PTPRK: variants seen among roughly 807,000 people sequenced by gnomAD.
PTPRK encodes the protein receptor-type tyrosine-protein phosphatase kappa.
Under a neutral mutation model 178.0 loss-of-function variants are expected in PTPRK, and 75 were observed. The observed-to-expected ratio is 0.42, with a 90% CI of 0.35 to 0.51. The LOEUF (loss-of-function observed/expected upper bound fraction) is 0.51, where lower values mean the gene tolerates loss of function less well. PTPRK is among the 20% of genes least tolerant of loss of function. The pLI is 0.02. For synonymous variants in PTPRK, 637 were observed against 620.6 expected (o/e 1.03, Z -0.39); for missense variants, 1,441 against 1,797.8 (o/e 0.80, Z 3.59).
chr6:128,127,623 T>C (rs1017801598), intron 7 of PTPRK, among the ~76,000 whole-genome samples: 5 of 152,226 alleles, frequency 3.3e-5, no homozygotes, highest in African/African-American at 1.2e-4. Flanking sequence ...GGTCACAATG[T>C]TACCTGTAGG....
intron 1 of PTPRK, among the ~76,000 whole-genome samples, chr6:128,436,973 A>T (rs930683418): frequency 7.4e-6 from 1 of 135,704 alleles, no homozygotes; most frequent in African/African-American, 2.6e-5. Context: ...GAAATTGTTT[A>T]AGAGGGAAAT....
At chr6:128,401,844 C>A (rs1189494503) in intron 1 of PTPRK, among the ~76,000 whole-genome samples, 1 of 152,002 alleles carries the variant, frequency 6.6e-6, no homozygotes, top group Non-Finnish European at 1.5e-5. Context: ...AATACAATAT[C>A]CTTAGTAAAG....
intron 2 of PTPRK, among the ~76,000 whole-genome samples, chr6:128,387,575 C>T (rs917716038): frequency 6.6e-6 from 1 of 152,038 alleles, no homozygotes; most frequent in African/African-American, 2.4e-5. Context: ...TGCTGGTTCC[C>T]CTAATAATAA....
At chr6:128,108,729 T>C (rs1019180131) in intron 7 of PTPRK, among the ~76,000 whole-genome samples, 3 of 152,110 alleles carry the variant, frequency 2.0e-5, no homozygotes, top group Non-Finnish European at 4.4e-5. Flanking sequence ...ATAGTCTGGG[T>C]GGTTTCCAGA....
At chr6:128,031,362 G>A (rs999504351) in intron 13 of PTPRK, among the ~76,000 whole-genome samples, 2 of 152,070 alleles carry the variant, frequency 1.3e-5, no homozygotes, top group African/African-American at 4.8e-5. Context: ...CCATCCTCTG[G>A]CACTTTGCAC....
intron 1 of PTPRK, among the ~76,000 whole-genome samples, chr6:128,422,676 CAAAAAAAAAAAAAAA>C (rs750423577): frequency 6.8e-5 from 1 of 14,704 alleles, no homozygotes; most frequent in East Asian, 4.5e-3. Flanking sequence ...TTCACGGACG[CAAAAAAAAAAAAAAA>C]AAAAAAAAAA....
intron 1 of PTPRK, among the ~76,000 whole-genome samples, chr6:128,508,267 C>T (rs1856651649): frequency 2.0e-5 from 3 of 152,138 alleles, no homozygotes; most frequent in African/African-American, 7.2e-5. Flanking sequence ...TGCTGGCTTA[C>T]TTGCCAGCAT....
chr6:128,458,092 CA>C (rs1848606211), intron 1 of PTPRK, among the ~76,000 whole-genome samples: 3 of 152,156 alleles, frequency 2.0e-5, no homozygotes, highest in African/African-American at 7.2e-5. Flanking sequence ...ACTGGGTCAA[CA>C]CTATGGTCTC....
chr6:128,398,666 T>C (rs1840653788), intron 1 of PTPRK, among the ~76,000 whole-genome samples: 1 of 152,196 alleles, frequency 6.6e-6, no homozygotes, highest in African/African-American at 2.4e-5. Flanking sequence ...GGGTCTAAAG[T>C]GTTTGAGGTC....
At chr6:128,354,231 G>GTTTTTTTTTTTTTTTTATTTTTTTTT (rs1833618037) in intron 2 of PTPRK, among the ~76,000 whole-genome samples, 1 of 49,358 alleles carries the variant, frequency 2.0e-5, no homozygotes, top group African/African-American at 9.4e-5. Context: ...TTTTGTTTAT[G>GTTTTTTTTTTTTTTTTATTTTTTTTT]TTTTTTTTTT....
chr6:128,021,331 T>C (rs1773468956), intron 13 of PTPRK, among the ~76,000 whole-genome samples: 1 of 152,202 alleles, frequency 6.6e-6, no homozygotes, highest in Admixed American at 6.5e-5. Context: ...TTGGACCCTT[T>C]TGATAAGAAA....
chr6:128,233,594 A>T (rs1812686275), intron 5 of PTPRK, among the ~76,000 whole-genome samples: 1 of 152,186 alleles, frequency 6.6e-6, no homozygotes, highest in Admixed American at 6.5e-5. Context: ...AAGGAATGAC[A>T]TTTCCTTTGG....
At chr6:128,135,304 C>T (rs928925034) in intron 7 of PTPRK, among the ~76,000 whole-genome samples, 4 of 152,118 alleles carry the variant, frequency 2.6e-5, no homozygotes, top group African/African-American at 9.7e-5. Context: ...TGTTTCTTGA[C>T]CAGCTGGAGG....
At chr6:127,984,430 G>A (rs1247066241) in intron 22 of PTPRK, among the ~76,000 whole-genome samples, 1 of 152,152 alleles carries the variant, frequency 6.6e-6, no homozygotes, top group Non-Finnish European at 1.5e-5. Flanking sequence ...AGTCAATGGG[G>A]AAAACAAAAT....
chr6:128,382,500 C>T (rs1333354047), intron 2 of PTPRK, among the ~76,000 whole-genome samples: 3 of 150,046 alleles, frequency 2.0e-5, no homozygotes, highest in Non-Finnish European at 4.4e-5. Flanking sequence ...CTCTGCCTCC[C>T]GGGTTCAAGA....
intron 1 of PTPRK, among the ~76,000 whole-genome samples, chr6:128,401,201 C>T (rs1840970201): frequency 6.6e-6 from 1 of 152,102 alleles, no homozygotes; most frequent in Non-Finnish European, 1.5e-5. Context: ...GCAACCTGTT[C>T]ATCTGAAAAT....
At chr6:128,418,762 T>A (rs1312065788) in intron 1 of PTPRK, among the ~76,000 whole-genome samples, 1 of 152,178 alleles carries the variant, frequency 6.6e-6, no homozygotes, top group African/African-American at 2.4e-5. Context: ...AGGGGGAAAC[T>A]GAGGAAAAAA....
chr6:128,270,044 C>G (rs1819557709), intron 3 of PTPRK, among the ~76,000 whole-genome samples: 1 of 152,042 alleles, frequency 6.6e-6, no homozygotes, highest in Admixed American at 6.6e-5. Context: ...TTATCCTTAT[C>G]CCATAATAGG....
At chr6:128,342,782 T>G (rs1484161010) in intron 2 of PTPRK, among the ~76,000 whole-genome samples, 2 of 152,158 alleles carry the variant, frequency 1.3e-5, no homozygotes, top group Non-Finnish European at 2.9e-5. Context: ...TCTACAAATT[T>G]TTTTTTCTAA....
Sources: gnomAD v4.1 joint callset for allele counts (sites outside exome capture counted in the v4.1 genomes callset) on GRCh38, gnomAD v4.1.1 for gene constraint, MANE v1.5 for transcripts, NCBI Gene and HGNC (gene_info 2026-07-23, HGNC 2026-07-21) for gene names.